The following RBMS3 variants were observed in gnomAD, a reference collection of about 807,000 sequenced individuals.
RBMS3 encodes RNA-binding motif, single-stranded-interacting protein 3.
RBMS3 carries 27 observed loss-of-function variants against 66.8 expected under a neutral mutation model. The ratio of observed to expected loss-of-function variants is 0.40; its 90% CI spans 0.30 to 0.56. The LOEUF (loss-of-function observed/expected upper bound fraction) is 0.56. Among genes scored for constraint, RBMS3 ranks in the 20% least tolerant of loss-of-function variants. RBMS3 has a pLI of 0.40. For missense variants in RBMS3, 513 were observed against 549.5 expected, an observed-to-expected ratio of 0.93 and a Z score of 0.66; for synonymous variants, 188 against 183.0, an observed-to-expected ratio of 1.03 and a Z score of -0.22.
rs143575419 is a variant in RBMS3 at position 29,757,688 on chromosome 3, T to G, written c.558-5222T>G. On this transcript the variant is annotated intron_variant, in intron 5 of 14. Coordinates refer to ENST00000383767, the MANE Select transcript of RBMS3 (RefSeq NM_001003793.3). ...CAGTGATTTTAAAAGCTTCTTATTT[T>G]GCAATAAGTTTACCTTCACATAGAA... Among the ~76,000 whole-genome samples the G allele has an allele frequency of 2.6e-3, 397 of 152,346 alleles. 2 individuals are homozygous for G. The highest frequency in any genetic ancestry group is 8.6e-3 in the African/African-American group (356 of 41,592).
intron 6 of RBMS3, among the ~76,000 whole-genome samples, chr3:29,807,303 A>G (rs941550138): frequency 5.9e-5 from 9 of 151,974 alleles, no homozygotes; most frequent in Admixed American, 2.6e-4. Context: ...AGCTTTCCCA[A>G]ATCTTTTTCA....
chr3:29,561,950 TG>T (rs2046572310), intron 3 of RBMS3, among the ~76,000 whole-genome samples: 1 of 152,172 alleles, frequency 6.6e-6, no homozygotes, highest in African/African-American at 2.4e-5. Flanking sequence ...AACTTAAGTT[TG>T]TTTTTTTAGA....
intron 3 of RBMS3, among the ~76,000 whole-genome samples, chr3:29,574,196 T>A (rs2047033077): frequency 6.6e-6 from 1 of 152,176 alleles, no homozygotes; most frequent in Non-Finnish European, 1.5e-5. Flanking sequence ...GGTCTACCTT[T>A]CTCTTTAGCT....
At chr3:29,476,358 C>T (rs1370577332) in intron 2 of RBMS3, among the ~76,000 whole-genome samples, 2 of 152,168 alleles carry the variant, frequency 1.3e-5, no homozygotes, top group Non-Finnish European at 2.9e-5. Context: ...TCTCACCTAC[C>T]TCACCACCAG....
chr3:29,359,255 A>G (rs2037413839), intron 1 of RBMS3, among the ~76,000 whole-genome samples: 1 of 152,172 alleles, frequency 6.6e-6, no homozygotes, highest in South Asian at 2.1e-4. Context: ...TTTTAGCATG[A>G]AGGGCTGTTG....
At chr3:29,760,787 T>A (rs9836182) in intron 5 of RBMS3, among the ~76,000 whole-genome samples, 1 of 152,096 alleles carries the variant, frequency 6.6e-6, no homozygotes, top group Admixed American at 6.5e-5. Context: ...AAGATTCCGC[T>A]TGCCTTTCTT....
In RBMS3 at chr3:29,591,358, C is replaced by T. The variant is rs146079925; in HGVS notation, c.399+4153C>T. The stretch of plus-strand genomic sequence containing the variant: ...AAGAGAAGTTATCTGTCTGAATTCC[C>T]GCAATGTAGAATGACATAGAAACAA... On this transcript the variant is annotated intron_variant, in intron 4 of 14. Transcript: ENST00000383767. Among the ~76,000 whole-genome samples the T allele has an allele frequency of 3.0e-3, 450 of 152,128 alleles. 4 individuals carry two copies. The highest frequency in any genetic ancestry group is 0.01 in the African/African-American group (425 of 41,510).
intron 14 of RBMS3, among the ~76,000 whole-genome samples, chr3:30,001,403 C>CTT (rs144922687): frequency 6.6e-6 from 1 of 151,624 alleles, no homozygotes; most frequent in African/African-American, 2.4e-5. Flanking sequence ...TTCACTGTGC[C>CTT]TTTTTTTTGA....
At chr3:29,814,666 A>G (rs940382208) in intron 6 of RBMS3, among the ~76,000 whole-genome samples, 6 of 152,134 alleles carry the variant, frequency 3.9e-5, no homozygotes, top group African/African-American at 9.7e-5. Context: ...AGCTCCTGTT[A>G]TTGGTCTATT....
chr3:29,427,452 C>T (rs920383443), intron 1 of RBMS3, among the ~76,000 whole-genome samples: 10 of 152,160 alleles, frequency 6.6e-5, no homozygotes, highest in South Asian at 6.2e-4. Flanking sequence ...CACTCTCTCA[C>T]GTTGTGTTCA....
intron 1 of RBMS3, among the ~76,000 whole-genome samples, chr3:29,360,590 C>T (rs1378954660): frequency 6.6e-6 from 1 of 151,950 alleles, no homozygotes. Flanking sequence ...GAGTTCAATT[C>T]CTGGATATCC....
chr3:29,936,017 GTGTTTATT>G, intron 10 of RBMS3, 61 bp from the exon 11 acceptor site: 1 of 1,235,376 alleles, frequency 8.1e-7, no homozygotes, highest in Non-Finnish European at 1.2e-6. Flanking sequence ...ACAATTTACA[GTGTTTATT>G]TGTAAGAAGT....
intron 3 of RBMS3, among the ~76,000 whole-genome samples, chr3:29,519,516 C>T (rs1006724008): frequency 3.3e-5 from 5 of 152,148 alleles, no homozygotes; most frequent in Non-Finnish European, 7.4e-5. Flanking sequence ...AGTCTGAAAA[C>T]CACTCAGTCC....
chr3:29,829,876 T>TAGA, intron 6 of RBMS3, among the ~76,000 whole-genome samples: 1 of 152,170 alleles, frequency 6.6e-6, no homozygotes, highest in Non-Finnish European at 1.5e-5. Context: ...TGCAGTCCCA[T>TAGA]TTCTCATGCA....
chr3:29,375,787 A>G (rs1006332574), intron 1 of RBMS3, among the ~76,000 whole-genome samples: 2 of 152,184 alleles, frequency 1.3e-5, no homozygotes, highest in Non-Finnish European at 2.9e-5. Flanking sequence ...GTGGAAGACA[A>G]TGTGGGAATT....
intron 4 of RBMS3, among the ~76,000 whole-genome samples, chr3:29,655,017 C>T (rs1488177782): frequency 1.3e-5 from 2 of 152,170 alleles, no homozygotes; most frequent in African/African-American, 4.8e-5. Context: ...TTTCATATTG[C>T]ATTTTAACTG....
rs191109901 is a variant in RBMS3 at position 29,457,448 on chromosome 3, G to A, written c.248+22533G>A. On this transcript the variant is annotated intron_variant, in intron 2 of 14. Transcript: ENST00000383767. ...TTTAAAGATTCTCACATGGCCTGAAGCAGTGGCTCACACCTGTAATCCCAG... is the reference window on the plus strand; with the variant it reads ...TTTAAAGATTCTCACATGGCCTGAAACAGTGGCTCACACCTGTAATCCCAG... Among the ~76,000 whole-genome samples the A allele has an allele frequency of 2.2e-3, 339 of 152,286 alleles. 3 individuals are homozygous for A. The highest frequency in any genetic ancestry group is 7.9e-3 in the African/African-American group (329 of 41,562).
intron 4 of RBMS3, among the ~76,000 whole-genome samples, chr3:29,727,046 C>T (rs1384976905): frequency 6.6e-6 from 1 of 152,038 alleles, no homozygotes; most frequent in Non-Finnish European, 1.5e-5. Context: ...GAACAGAGGC[C>T]TCAGAAATAA....
chr3:29,847,479 A>G (rs973487873), intron 6 of RBMS3, among the ~76,000 whole-genome samples: 1 of 152,178 alleles, frequency 6.6e-6, no homozygotes, highest in Non-Finnish European at 1.5e-5. Flanking sequence ...GCCAAGATCT[A>G]TAATTTTCTA....
Sources: allele counts gnomAD v4.1 joint callset (sites outside exome capture counted in the v4.1 genomes callset), GRCh38; gene constraint gnomAD v4.1.1; transcripts MANE v1.5; gene names NCBI Gene and HGNC (gene_info 2026-07-23, HGNC 2026-07-21).